The following WDR41 variants were observed in gnomAD, a reference collection of about 807,000 sequenced individuals.
WDR41 encodes the protein WD repeat domain 41.
WDR41 carries 63 observed loss-of-function variants against 69.3 expected under a neutral mutation model. The ratio of observed to expected loss-of-function variants is 0.91; its 90% CI spans 0.74 to 1.12. The LOEUF is 1.12. Among genes scored for constraint, WDR41 ranks in the 50% most tolerant of loss-of-function variants. The pLI, the probability that WDR41 is intolerant of heterozygous loss-of-function variation, is 0.00. For missense variants in WDR41, 543 were observed against 534.5 expected, an observed-to-expected ratio of 1.02 and a Z score of -0.16; for synonymous variants, 185 against 192.1, an observed-to-expected ratio of 0.96 and a Z score of 0.31.
At chr5:77,544,160 G>A (rs1176519297) in intron 1 of WDR41, among the ~76,000 whole-genome samples, 2 of 152,010 alleles carry the variant, frequency 1.3e-5, no homozygotes, top group Non-Finnish European at 2.9e-5. Context: ...TCTAAATCTT[G>A]AAACAAATCC....
chr5:77,505,873 T>C (rs559918844), intron 1 of WDR41, among the ~76,000 whole-genome samples: 40 of 152,258 alleles, frequency 2.6e-4, no homozygotes, highest in African/African-American at 9.4e-4. Context: ...TTACACCTTA[T>C]ACAAAAATTA....
chr5:77,521,240 G>A (rs974378412), intron 1 of WDR41, among the ~76,000 whole-genome samples: 3 of 152,230 alleles, frequency 2.0e-5, no homozygotes, highest in Non-Finnish European at 2.9e-5. Flanking sequence ...ATTCTCATAA[G>A]GAGCATGCAA....
intron 1 of WDR41, among the ~76,000 whole-genome samples, chr5:77,575,053 T>TA (rs199783726): frequency 2.6e-5 from 4 of 151,026 alleles, no homozygotes; most frequent in South Asian, 2.1e-4. Context: ...TCAGAAAATT[T>TA]AAAAAAAAAC....
At chr5:77,558,094 T>TTTA (rs1554036365) in intron 1 of WDR41, among the ~76,000 whole-genome samples, 2 of 104,302 alleles carry the variant, frequency 1.9e-5, no homozygotes, top group Non-Finnish European at 3.9e-5. Flanking sequence ...ATGTTCTTTT[T>TTTA]AAAAAAAAAA....
chr5:77,569,208 A>G (rs760835954), intron 1 of WDR41, among the ~76,000 whole-genome samples: 5 of 152,198 alleles, frequency 3.3e-5, no homozygotes, highest in Non-Finnish European at 1.5e-5. Context: ...TGCTAATACT[A>G]AGGAACTTAC....
intron 1 of WDR41, among the ~76,000 whole-genome samples, chr5:77,554,849 T>C (rs1159113974): frequency 6.6e-6 from 1 of 151,850 alleles, no homozygotes; most frequent in East Asian, 1.9e-4. Context: ...CCGGGTGGGG[T>C]GGCTCATGCC....
chr5:77,498,342 C>T (rs1214860329), intron 1 of WDR41, among the ~76,000 whole-genome samples: 1 of 151,554 alleles, frequency 6.6e-6, no homozygotes, highest in African/African-American at 2.4e-5. Flanking sequence ...GATTTTTTTA[C>T]AGAAGTGTAA....
intron 1 of WDR41, among the ~76,000 whole-genome samples, chr5:77,512,355 AGTGTGTGT>A (rs111485869): frequency 0.012 from 1,424 of 119,336 alleles, 25 homozygotes; most frequent in South Asian, 0.023. Flanking sequence ...AGAGAGAGTG[AGTGTGTGT>A]GTGTGTGTGT....
intron 1 of WDR41, among the ~76,000 whole-genome samples, chr5:77,513,694 C>T (rs6879237): frequency 0.14 from 20,930 of 152,020 alleles, 2,014 homozygotes; most frequent in African/African-American, 0.24. Flanking sequence ...ATGTTTTAAC[C>T]GAACAATTTC....
chr5:77,601,856 T>A (rs1744329024), intron 1 of WDR41, among the ~76,000 whole-genome samples: 1 of 152,224 alleles, frequency 6.6e-6, no homozygotes, highest in African/African-American at 2.4e-5. Context: ...TTTGTACATA[T>A]TTATGTAGCA....
chr5:77,526,905 G>T (rs1038578463), intron 1 of WDR41, among the ~76,000 whole-genome samples: 1 of 151,938 alleles, frequency 6.6e-6, no homozygotes, highest in East Asian at 1.9e-4. Context: ...TCCTTTCTTA[G>T]CCAGTGCTTC....
chr5:77,445,118 G>A (rs1799327469), intron 8 of WDR41, among the ~76,000 whole-genome samples: 1 of 152,156 alleles, frequency 6.6e-6, no homozygotes, highest in Admixed American at 6.5e-5. Flanking sequence ...TGATCCCACA[G>A]AAATACAAAC....
chr5:77,434,984 C>G (rs1049964261), intron 12 of WDR41, among the ~76,000 whole-genome samples: 14 of 152,154 alleles, frequency 9.2e-5, no homozygotes, highest in African/African-American at 3.1e-4. Flanking sequence ...TCAAGGACAT[C>G]CATAATCTGA....
chr5:77,560,322 T>G (rs559162294), intron 1 of WDR41, among the ~76,000 whole-genome samples: 1 of 152,294 alleles, frequency 6.6e-6, no homozygotes, highest in South Asian at 2.1e-4. Context: ...AAAGATCAAC[T>G]TGTGATCTGC....
intron 5 of WDR41, among the ~76,000 whole-genome samples, chr5:77,457,389 A>C (rs904400162): frequency 6.6e-6 from 1 of 152,134 alleles, no homozygotes; most frequent in African/African-American, 2.4e-5. Context: ...CTGAAATATA[A>C]ATTTTAGTAT....
At chr5:77,447,491 C>A (rs1053161099) in intron 8 of WDR41, among the ~76,000 whole-genome samples, 1 of 152,088 alleles carries the variant, frequency 6.6e-6, no homozygotes, top group African/African-American at 2.4e-5. Context: ...TCACTATTTA[C>A]AAGAACAAAG....
intron 5 of WDR41, among the ~76,000 whole-genome samples, chr5:77,458,346 T>A (rs936431288): frequency 6.6e-6 from 1 of 152,090 alleles, no homozygotes; most frequent in Admixed American, 6.5e-5. Context: ...CAATTCTTTT[T>A]ACATTAAGAA....
rs530953413 is a variant in WDR41, at chr5:77,502,963, G to A, written c.43-13391C>T. 2.6e-5 allele frequency among the ~76,000 whole-genome samples: 4 copies of A among 152,076 alleles called. No homozygotes were observed. In the East Asian group the frequency reaches 5.8e-4, roughly 22 times the overall value. ...CTATGAAGAAACTGCATCAATTAAC[G>A]GGAAAAATAACCAGCTAACATCATA... is the stretch of plus-strand genomic sequence containing the variant. On this transcript the variant is annotated intron_variant, in intron 1 of 5. Coordinates refer to the WDR41 transcript ENST00000509971.
intron 1 of WDR41, chr5:77,546,145 A>G: frequency 2.1e-6 from 1 of 484,288 alleles, no homozygotes; most frequent in Non-Finnish European, 3.6e-6. Flanking sequence ...TTGACCTCCG[A>G]CCTCTGGAAG....
Sources: allele counts gnomAD v4.1 joint callset (sites outside exome capture counted in the v4.1 genomes callset), GRCh38; gene constraint gnomAD v4.1.1; transcripts MANE v1.5; gene names NCBI Gene and HGNC (gene_info 2026-07-23, HGNC 2026-07-21).